NUDT3: variants seen among roughly 807,000 people sequenced by gnomAD.
The protein encoded by NUDT3 is nudix hydrolase 3.
In NUDT3, 9 loss-of-function variants were observed where a neutral mutation model predicts 23.6. That is an observed-to-expected ratio of 0.38 (90% CI 0.23 to 0.66). NUDT3 has a LOEUF of 0.66. NUDT3 is among the 30% of genes least tolerant of loss of function. The probability of loss-of-function intolerance (pLI) is 0.52; values close to 1 mark genes in which losing one functional copy is unlikely to be tolerated. For synonymous variants in NUDT3, 86 were observed against 82.6 expected (o/e 1.04, Z -0.22); for missense variants, 172 against 218.5 (o/e 0.79, Z 1.34).
intron 1 of NUDT3, among the ~76,000 whole-genome samples, chr6:34,353,351 T>C (rs921286259): frequency 3.9e-5 from 6 of 152,150 alleles, no homozygotes; most frequent in African/African-American, 1.2e-4. Context: ...AGAGAAAATA[T>C]AATGAATTCC....
intron 3 of NUDT3, among the ~76,000 whole-genome samples, chr6:34,294,229 G>A (rs755214131): frequency 1.3e-5 from 2 of 150,942 alleles, no homozygotes; most frequent in African/African-American, 2.4e-5. Flanking sequence ...CAAGTGATCC[G>A]CATGCCTAGG....
rs1763340255 is a variant in NUDT3 at position 34,286,788 on chromosome 6, A to ATTT, written c.*1964_*1965insAAA. Reference sequence around the variant, plus strand: ...AGTATATAGCAAAAAAAAAAAAAAAAATTTTTTTTTTTTTTTTTTGAGATG... The same window carrying ATTT: ...AGTATATAGCAAAAAAAAAAAAAAAATTTATTTTTTTTTTTTTTTTTTGAGATG... On this transcript the variant is annotated 3_prime_UTR_variant, in exon 5 of 5. Transcript: ENST00000607016. 102 of 140,324 alleles carry ATTT rather than the reference A, an allele frequency of 7.3e-4. 1 individual carries two copies. Among genetic ancestry groups the ATTT allele is most frequent in the Non-Finnish European group, 9.7e-4 (62 of 63,690 alleles). 8.7% of individuals were successfully genotyped at this position (140,324 alleles called of 1,614,324 possible).
At chr6:34,325,829 C>T (rs866547852) in intron 2 of NUDT3, among the ~76,000 whole-genome samples, 1 of 152,216 alleles carries the variant, frequency 6.6e-6, no homozygotes, top group Non-Finnish European at 1.5e-5. Context: ...GTAGTGCTGA[C>T]AGACATGGCA....
chr6:34,362,952 C>T (rs1764672682), intron 1 of NUDT3, among the ~76,000 whole-genome samples: 2 of 152,152 alleles, frequency 1.3e-5, no homozygotes, highest in Admixed American at 1.3e-4. Flanking sequence ...TGCTGCAGCA[C>T]TAGCTACCAT....
At chr6:34,345,182 G>C (rs1241907131) in intron 1 of NUDT3, among the ~76,000 whole-genome samples, 3 of 151,752 alleles carry the variant, frequency 2.0e-5, no homozygotes, top group Non-Finnish European at 4.4e-5. Flanking sequence ...CCGAGTAGCT[G>C]GGATTACAGG....
chr6:34,318,734 T>TAA (rs1447724288), intron 2 of NUDT3, among the ~76,000 whole-genome samples: 3 of 150,112 alleles, frequency 2.0e-5, no homozygotes, highest in African/African-American at 7.3e-5. Flanking sequence ...AAAAAAAATT[T>TAA]TTTTTTTAAC....
At chr6:34,339,321 A>C (rs1764255490) in intron 2 of NUDT3, among the ~76,000 whole-genome samples, 1 of 152,204 alleles carries the variant, frequency 6.6e-6, no homozygotes, top group Admixed American at 6.5e-5. Flanking sequence ...ATGTCAGAAG[A>C]GTATTGGAAT....
At chr6:34,388,238 A>G (rs536042088) in intron 1 of NUDT3, among the ~76,000 whole-genome samples, 2 of 152,278 alleles carry the variant, frequency 1.3e-5, no homozygotes, top group East Asian at 1.9e-4. Flanking sequence ...AAAATCACCT[A>G]ATGATGCATT....
At chr6:34,325,579 A>T (rs897613087) in intron 2 of NUDT3, among the ~76,000 whole-genome samples, 1 of 152,196 alleles carries the variant, frequency 6.6e-6, no homozygotes, top group Non-Finnish European at 1.5e-5. Flanking sequence ...TTTTCCTAGG[A>T]GGGCGGAATA....
intron 1 of NUDT3, among the ~76,000 whole-genome samples, chr6:34,378,900 C>A (rs1398256351): frequency 6.6e-6 from 1 of 152,212 alleles, no homozygotes; most frequent in Non-Finnish European, 1.5e-5. Context: ...AAACTCTTCT[C>A]TAGTGGCACC....
intron 1 of NUDT3, among the ~76,000 whole-genome samples, chr6:34,362,083 G>A (rs1477842251): frequency 6.6e-6 from 1 of 152,208 alleles, no homozygotes; most frequent in Non-Finnish European, 1.5e-5. Flanking sequence ...ATTGCCTGTG[G>A]AGGCAGGGGA....
At chr6:34,380,145 G>C (rs900018985) in intron 1 of NUDT3, among the ~76,000 whole-genome samples, 2 of 151,908 alleles carry the variant, frequency 1.3e-5, no homozygotes, top group African/African-American at 4.8e-5. Flanking sequence ...GTGCAACAGC[G>C]CGATCTCGGC....
At position 34,282,591 on chromosome 6, in the gene NUDT3, G is replaced by C. The variant is rs1167669566; in HGVS notation, c.*6162C>G. 2 of 152,124 alleles carry C rather than the reference G, an allele frequency of 1.3e-5. No homozygotes were observed. Among genetic ancestry groups the C allele is most frequent in the African/African-American group, 4.8e-5 (2 of 41,424 alleles). The allele number at this position is 152,124 out of a possible 1,614,324, so 9.4% of individuals were successfully genotyped here. On this transcript the variant is annotated 3_prime_UTR_variant, in exon 5 of 5. Coordinates refer to ENST00000607016, the MANE Select transcript of NUDT3 (RefSeq NM_006703.4). The stretch of plus-strand genomic sequence containing the variant: ...GTCACAGATAATAAGCAATTTAGTA[G>C]ATAATTATTCTATACAAGAATTAAT...
At chr6:34,307,405 C>T (rs1452218038) in intron 2 of NUDT3, among the ~76,000 whole-genome samples, 2 of 151,892 alleles carry the variant, frequency 1.3e-5, no homozygotes, top group Admixed American at 1.3e-4. Flanking sequence ...AAAGCGAGAC[C>T]CCATCTCTAC....
intron 2 of NUDT3, among the ~76,000 whole-genome samples, chr6:34,333,642 CA>C (rs1173108955): frequency 4.6e-5 from 7 of 152,216 alleles, no homozygotes; most frequent in African/African-American, 1.7e-4. Flanking sequence ...TAGATAATAA[CA>C]GTTCCTACTA....
intron 2 of NUDT3, among the ~76,000 whole-genome samples, chr6:34,303,933 C>T (rs1763636627): frequency 6.6e-6 from 1 of 152,118 alleles, no homozygotes; most frequent in African/African-American, 2.4e-5. Context: ...AAGCCTAAAA[C>T]ATTTACTATC....
chr6:34,331,227 G>A (rs536899755), intron 2 of NUDT3, among the ~76,000 whole-genome samples: 26 of 152,014 alleles, frequency 1.7e-4, no homozygotes, highest in African/African-American at 5.5e-4. Flanking sequence ...GAACTCTTGC[G>A]GTGCCATTAG....
At chr6:34,296,032 C>G (rs369492559) in intron 2 of NUDT3, among the ~76,000 whole-genome samples, 2 of 152,190 alleles carry the variant, frequency 1.3e-5, no homozygotes, top group African/African-American at 4.8e-5. Flanking sequence ...CTCTGGGAGG[C>G]TGAATTGGGA....
At chr6:34,351,226 A>AAAAAAAAAC (rs1554154786) in intron 1 of NUDT3, among the ~76,000 whole-genome samples, 2 of 133,972 alleles carry the variant, frequency 1.5e-5, no homozygotes, top group African/African-American at 6.3e-5. Flanking sequence ...AAAAAAAAAA[A>AAAAAAAAAC]CACTTTGGGA....
Sources: gnomAD v4.1 joint callset for allele counts (sites outside exome capture counted in the v4.1 genomes callset) on GRCh38, gnomAD v4.1.1 for gene constraint, MANE v1.5 for transcripts, NCBI Gene and HGNC (gene_info 2026-07-23, HGNC 2026-07-21) for gene names.